The following SSPN variants were observed in gnomAD, a reference collection of about 807,000 sequenced individuals.
SSPN encodes K-ras oncogene-associated protein.
A neutral mutation model predicts 19.1 loss-of-function variants in SSPN; 15 were observed. That is an observed-to-expected ratio of 0.78 (90% CI 0.52 to 1.21). The LOEUF is 1.21. Ranked by LOEUF, SSPN falls within the 50% of genes most tolerant of loss-of-function variation. The pLI, the probability that SSPN is intolerant of heterozygous loss-of-function variation, is 0.00. For synonymous variants in SSPN, 147 were observed against 140.3 expected, an observed-to-expected ratio of 1.05 and a Z score of -0.34; for missense variants, 291 against 314.0, an observed-to-expected ratio of 0.93 and a Z score of 0.55.
At chr12:26,126,105 T>TGCGC (rs1487342299) in intron 1 of SSPN, 4 of 152,148 alleles carry the variant, frequency 2.6e-5, no homozygotes, top group East Asian at 1.9e-4. Flanking sequence ...GGGGAACCCG[T>TGCGC]GCGCGCGCGC....
rs2137390958 is a variant in SSPN at position 26,124,999 on chromosome 12, A to C, written c.-31+2847A>C. On this transcript the variant is annotated intron_variant, in intron 1 of 2. Coordinates refer to the SSPN transcript ENST00000538142. ...ACACACGCACACTCGCGCCGGCCCC[A>C]CTGCGCTGGTAGTTTGCTCTCACTC... 4.4e-5 allele frequency: 28 copies of C among 633,516 alleles called. No homozygotes were observed. The South Asian group carries it at 5.0e-4, about 11-fold the overall frequency. The allele number at this position is 633,516 out of a possible 1,614,324, so 39.2% of individuals were successfully genotyped here. A position where few individuals can be genotyped will look rare whatever the true frequency, so the allele number is the denominator to read the frequency against.
At chr12:26,223,179 C>G (rs938597809) in intron 1 of SSPN, among the ~76,000 whole-genome samples, 1 of 152,090 alleles carries the variant, frequency 6.6e-6, no homozygotes, top group African/African-American at 2.4e-5. Flanking sequence ...ATCCCGTATC[C>G]CCAGATATTC....
intron 1 of SSPN, among the ~76,000 whole-genome samples, chr12:26,173,826 G>A (rs1041653231): frequency 3.3e-5 from 5 of 151,964 alleles, no homozygotes; most frequent in African/African-American, 9.7e-5. Context: ...CGTTTATTAC[G>A]TCAACTGTGG....
chr12:26,217,285 C>T (rs1056694758), intron 1 of SSPN, among the ~76,000 whole-genome samples: 12 of 143,148 alleles, frequency 8.4e-5, no homozygotes, highest in African/African-American at 3.2e-4. Context: ...TGAAGAGGTC[C>T]TTCACGTCCC....
chr12:26,186,188 A>G (rs550655363), intron 1 of SSPN, among the ~76,000 whole-genome samples: 3 of 143,542 alleles, frequency 2.1e-5, no homozygotes, highest in South Asian at 4.9e-4. Context: ...CCCAAACATA[A>G]CTGCATCAGG....
intron 1 of SSPN, among the ~76,000 whole-genome samples, chr12:26,220,053 C>T (rs1318296915): frequency 1.3e-5 from 2 of 152,098 alleles, no homozygotes; most frequent in South Asian, 2.1e-4. Flanking sequence ...GCCGTGTCTT[C>T]CTGGCACGTC....
At chr12:26,148,688 CAT>C (rs1944507691) in intron 1 of SSPN, among the ~76,000 whole-genome samples, 2 of 152,284 alleles carry the variant, frequency 1.3e-5, no homozygotes, top group South Asian at 4.1e-4. Flanking sequence ...AAGACTGTAA[CAT>C]GGTGCATTTT....
At chr12:26,122,408 C>A in intron 1 of SSPN, 1 of 1,305,614 alleles carries the variant, frequency 7.7e-7, no homozygotes, top group Non-Finnish European at 9.8e-7. Flanking sequence ...CCAGGCCGCT[C>A]TTGTCCAGGA....
At chr12:26,218,343 AGGG>A (rs1945081109) in intron 1 of SSPN, among the ~76,000 whole-genome samples, 1 of 4,206 alleles carries the variant, frequency 2.4e-4, no homozygotes, top group Admixed American at 1.2e-3. Context: ...GGGAGGGGGG[AGGG>A]GGGAGGGGGG....
chr12:26,158,666 G>T (rs963555982), intron 1 of SSPN, among the ~76,000 whole-genome samples: 7 of 152,262 alleles, frequency 4.6e-5, no homozygotes, highest in African/African-American at 1.7e-4. Context: ...GTAGAGGGTT[G>T]CTGCACACAC....
intron 1 of SSPN, chr12:26,122,499 T>C: frequency 7.6e-7 from 1 of 1,312,650 alleles, no homozygotes; most frequent in Non-Finnish European, 9.8e-7. Context: ...GGCCGCGGGC[T>C]GCGGGAAGGG....
intron 1 of SSPN, chr12:26,124,875 C>A: frequency 8.4e-7 from 1 of 1,189,824 alleles, no homozygotes; most frequent in Non-Finnish European, 1.2e-6. Flanking sequence ...GGGATCTGTG[C>A]GTCTCCAGTC....
rs1397571665 is a variant in SSPN at position 26,234,410 on chromosome 12, T to C, written c.*3334T>C. 3 of 152,360 alleles carry C rather than the reference T, an allele frequency of 2.0e-5. No homozygotes were observed. The highest frequency in any genetic ancestry group is 7.2e-5 in the African/African-American group (3 of 41,590). 9.4% of individuals were successfully genotyped at this position (152,360 alleles called of 1,614,324 possible). A position where few individuals can be genotyped will look rare whatever the true frequency, so the allele number is the denominator to read the frequency against. On this transcript the variant is annotated 3_prime_UTR_variant, in exon 3 of 3. Coordinates refer to ENST00000242729, the MANE Select transcript of SSPN (RefSeq NM_005086.5). ...CATGTTGGCTATCAGTTCTTGCTAT[T>C]CTCAGAGCACTCTATCATGTTTTTA...
At chr12:26,178,831 AG>A (rs1391506599) in intron 1 of SSPN, among the ~76,000 whole-genome samples, 1 of 152,202 alleles carries the variant, frequency 6.6e-6, no homozygotes, top group African/African-American at 2.4e-5. Flanking sequence ...AGGAGTTTAA[AG>A]ATATATTCTC....
chr12:26,188,006 G>T (rs560445261), intron 1 of SSPN, among the ~76,000 whole-genome samples: 3 of 152,316 alleles, frequency 2.0e-5, no homozygotes, highest in East Asian at 3.9e-4. Context: ...CTAGGATACT[G>T]GCTAACAGTG....
chr12:26,214,425 C>T (rs74075047), intron 1 of SSPN, among the ~76,000 whole-genome samples: 11,958 of 152,168 alleles, frequency 0.079, 893 homozygotes, highest in African/African-American at 0.2. Context: ...GCACAGCCAT[C>T]AATTCTGTGA....
chr12:26,166,112 G>A (rs951842248), intron 1 of SSPN, among the ~76,000 whole-genome samples: 12 of 152,166 alleles, frequency 7.9e-5, no homozygotes, highest in Non-Finnish European at 2.9e-5. Context: ...TCACACACCA[G>A]GGCCTGTCAG....
chr12:26,201,021 A>ATATATATATATATAT (rs1944874451), intron 1 of SSPN, among the ~76,000 whole-genome samples: 3 of 43,746 alleles, frequency 6.9e-5, no homozygotes, highest in Non-Finnish European at 1.2e-4. Context: ...GTATATATAT[A>ATATATATATATATAT]TATATATATA....
At chr12:26,184,368 A>G (rs1316976828) in intron 1 of SSPN, among the ~76,000 whole-genome samples, 2 of 152,238 alleles carry the variant, frequency 1.3e-5, no homozygotes, top group African/African-American at 4.8e-5. Flanking sequence ...AATGAAAACT[A>G]TCATATAAAA....
Sources: gnomAD v4.1 joint callset for allele counts (sites outside exome capture counted in the v4.1 genomes callset) on GRCh38, gnomAD v4.1.1 for gene constraint, MANE v1.5 for transcripts, NCBI Gene and HGNC (gene_info 2026-07-23, HGNC 2026-07-21) for gene names.